The following NFE2L3 variants were observed in gnomAD, a reference collection of about 807,000 sequenced individuals.
NFE2L3 encodes NFE2 like bZIP transcription factor 3, also known as nuclear factor erythroid 2-related factor 3.
NFE2L3 carries 18 observed loss-of-function variants against 23.5 expected under a neutral mutation model. That is an observed-to-expected ratio of 0.77 (90% confidence interval 0.53 to 1.13). NFE2L3 has a LOEUF of 1.13. Ranked by LOEUF, NFE2L3 falls within the 50% of genes most tolerant of loss-of-function variation. The probability of loss-of-function intolerance (pLI) is 0.00; values close to 1 mark genes in which losing one functional copy is unlikely to be tolerated. For synonymous variants in NFE2L3, 424 were observed against 354.5 expected, an observed-to-expected ratio of 1.20 and a Z score of -2.20; for missense variants, 1,152 against 877.2, an observed-to-expected ratio of 1.31 and a Z score of -3.96.
chr7:26,174,989 G>A (rs1303229693), intron 1 of NFE2L3: 2 of 152,108 alleles, frequency 1.3e-5, no homozygotes, highest in Admixed American at 6.5e-5. Flanking sequence ...AAGGTAGAAG[G>A]ACTTATCTGG....
chr7:26,186,278 G>A lies in NFE2L3; in HGVS notation c.*495G>A, dbSNP rs1335387949. ...TTTGCTTTCTATGGAAATAAATTTT[G>A]TATTTGTATTAAAAATTAACTTTTC... On this transcript the variant is annotated 3_prime_UTR_variant, in exon 4 of 4. Coordinates refer to ENST00000056233, the MANE Select transcript of NFE2L3 (RefSeq NM_004289.7). 1 of 152,146 alleles carries A rather than the reference G, an allele frequency of 6.6e-6. No homozygotes were observed. Among genetic ancestry groups the A allele is most frequent in the African/African-American group, 2.4e-5 (1 of 41,400 alleles). 9.4% of individuals were successfully genotyped at this position (152,146 alleles called of 1,614,324 possible). A position where few individuals can be genotyped will look rare whatever the true frequency, so the allele number is the denominator to read the frequency against.
intron 1 of NFE2L3, among the ~76,000 whole-genome samples, chr7:26,164,226 C>T (rs555075936): frequency 3.3e-5 from 5 of 152,272 alleles, no homozygotes; most frequent in African/African-American, 9.6e-5. Context: ...CCTGAGGAAT[C>T]GCCACACTGA....
chr7:26,156,962 A>C (rs1376723655), intron 1 of NFE2L3, among the ~76,000 whole-genome samples: 1 of 152,000 alleles, frequency 6.6e-6, no homozygotes, highest in Admixed American at 6.6e-5. Flanking sequence ...AATACTAAAA[A>C]TTAGCCGGGC....
chr7:26,185,853 C>T lies in NFE2L3; in HGVS notation c.*70C>T, dbSNP rs1374705176. The T allele has an allele frequency of 1.0e-5, 13 of 1,245,070 alleles. No individual in the cohort carries two copies. The highest frequency in any genetic ancestry group is 1.5e-5 in the African/African-American group (1 of 65,316). 77.1% of individuals were successfully genotyped at this position (1,245,070 alleles called of 1,614,324 possible). A position where few individuals can be genotyped will look rare whatever the true frequency, so the allele number is the denominator to read the frequency against. On this transcript the variant is annotated 3_prime_UTR_variant, in exon 4 of 4. Transcript: ENST00000056233. ...AGAAACTGATTATTTGGATCAGAAACCATTGAAACTGCTTCAAGAATTGTA... is the reference window on the plus strand; with the variant it reads ...AGAAACTGATTATTTGGATCAGAAATCATTGAAACTGCTTCAAGAATTGTA...
intron 2 of NFE2L3, among the ~76,000 whole-genome samples, chr7:26,178,728 C>T (rs773314597): frequency 6.6e-6 from 1 of 152,118 alleles, no homozygotes; most frequent in African/African-American, 2.4e-5. Flanking sequence ...TCTGTGCTTC[C>T]TCCTCCTTTC....
At chr7:26,172,662 C>A (rs773105006) in intron 1 of NFE2L3, among the ~76,000 whole-genome samples, 33 of 152,110 alleles carry the variant, frequency 2.2e-4, no homozygotes, top group South Asian at 8.3e-4. Flanking sequence ...GTAAAAATGA[C>A]CCCCAATGTT....
intron 2 of NFE2L3, among the ~76,000 whole-genome samples, chr7:26,181,733 A>G (rs547563282): frequency 3.9e-5 from 6 of 152,342 alleles, no homozygotes; most frequent in African/African-American, 1.2e-4. Flanking sequence ...CAGTGTTTAA[A>G]TTGTTCATAG....
chr7:26,177,954 A>G lies in NFE2L3; in HGVS notation c.582A>G (p.Val194=). The change falls in exon 2 of 4, where the codon GTA becomes GTG. Residue 194 remains valine (V), a synonymous_variant. Coordinates refer to ENST00000056233, the MANE Select transcript of NFE2L3 (RefSeq NM_004289.7). ...TCGTACTTTTATAGGAGAATGGGGT[A>G]CTAAGAGAAAAGCACGAAGCTGTGG... ...AGGCASEENG[V]LREKHEAVDH... is the part of the protein sequence containing the mutation. The G allele has an allele frequency of 6.2e-7, 1 of 1,612,608 alleles. No individual in the cohort carries two copies.
intron 1 of NFE2L3, among the ~76,000 whole-genome samples, chr7:26,154,500 T>C (rs1394854381): frequency 6.6e-6 from 1 of 152,164 alleles, no homozygotes; most frequent in East Asian, 1.9e-4. Context: ...CCTCGGAAAC[T>C]TCCCTCCCGG....
intron 1 of NFE2L3, among the ~76,000 whole-genome samples, chr7:26,171,765 C>G (rs1583932281): frequency 2.0e-5 from 3 of 152,000 alleles, no homozygotes; most frequent in East Asian, 3.9e-4. Flanking sequence ...GAGTGATGAC[C>G]CACACCTATA....
In NFE2L3 at chr7:26,187,016, T is replaced by A. The variant is rs1782503899; in HGVS notation, c.*1233T>A. 1 of 152,220 alleles carries A rather than the reference T, an allele frequency of 6.6e-6. No homozygotes were observed. The highest frequency in any genetic ancestry group is 1.5e-5 in the Non-Finnish European group (1 of 68,036). The allele number at this position is 152,220 out of a possible 1,614,324, so 9.4% of individuals were successfully genotyped here. ...CAAAATGAAGTTTCTCAGATATTATTTCTGCCATAGGAGCTACAGTGTAGA... is the reference window on the plus strand; with the variant it reads ...CAAAATGAAGTTTCTCAGATATTATATCTGCCATAGGAGCTACAGTGTAGA... On this transcript the variant is annotated 3_prime_UTR_variant, in exon 4 of 4. Transcript: ENST00000056233.
At position 26,152,954 on chromosome 7, in the gene NFE2L3, G is replaced by T; in HGVS notation, c.456G>T (p.Gly152=). The change falls in exon 1 of 4, where the codon GGG becomes GGT. Residue 152 remains glycine (G), a synonymous_variant. Coordinates refer to ENST00000056233, the MANE Select transcript of NFE2L3 (RefSeq NM_004289.7). The surrounding 1 kb of genome is among the most constrained non-coding windows in gnomAD (Gnocchi z 4.4). The part of the protein sequence containing the change: ...SVDGGSQAVQ[G]GGGDPRAARS... ...ACGGCGGCAGCCAGGCTGTGCAGGG[G>T]GGCGGCGGGGACCCCCGAGCGGCTC... 1 of 1,482,916 alleles carries T rather than the reference G, an allele frequency of 6.7e-7. No homozygotes were observed. The highest frequency in any genetic ancestry group is 8.9e-7 in the Non-Finnish European group (1 of 1,125,722). The allele number at this position is 1,482,916 out of a possible 1,614,324, so 91.9% of individuals were successfully genotyped here.
In NFE2L3 at chr7:26,184,040, T is replaced by G; in HGVS notation, c.834+256T>G. 6.1e-6 allele frequency: 3 copies of G among 488,582 alleles called. No individual in the cohort carries two copies. In the East Asian group the frequency reaches 1.1e-4, roughly 17 times the overall value. The allele number at this position is 488,582 out of a possible 1,614,324, so 30.3% of individuals were successfully genotyped here. A position where few individuals can be genotyped will look rare whatever the true frequency, so the allele number is the denominator to read the frequency against. ...AAAAAACTAAAAGAATTATCAGGTA[T>G]TTATCCAAAGGAAAGGAAATCAGTG... On this transcript the variant is annotated intron_variant, in intron 3 of 3. Transcript: ENST00000056233.
chr7:26,153,187 G>A, intron 1 of NFE2L3, 119 bp downstream of exon 1: 1 of 1,022,434 alleles, frequency 9.8e-7, no homozygotes, highest in Non-Finnish European at 1.3e-6. Flanking sequence ...TTAGCCCCTG[G>A]TCTTTGCAGG....
intron 1 of NFE2L3, among the ~76,000 whole-genome samples, chr7:26,167,972 G>A (rs1784276046): frequency 6.6e-6 from 1 of 151,942 alleles, no homozygotes; most frequent in East Asian, 1.9e-4. Flanking sequence ...CAGGTGGTGT[G>A]TGGTTACATG....
chr7:26,169,739 C>T (rs1390415298), intron 1 of NFE2L3, among the ~76,000 whole-genome samples: 1 of 152,176 alleles, frequency 6.6e-6, no homozygotes, highest in Admixed American at 6.5e-5. Context: ...TTATTCAATA[C>T]CTAAGTCTGT....
chr7:26,178,186 C>T, intron 2 of NFE2L3, 64 bp downstream of exon 2: 1 of 1,421,918 alleles, frequency 7.0e-7, no homozygotes, highest in Non-Finnish European at 9.6e-7. Context: ...GTGGCATTGA[C>T]AGTTTGTGTC....
At position 26,152,760 on chromosome 7, in the gene NFE2L3, G is replaced by A. The variant is rs1784016975; in HGVS notation, c.262G>A (p.Glu88Lys). 6.8e-7 allele frequency: 1 copy of A among 1,476,580 alleles called. No homozygotes were observed. Among genetic ancestry groups the A allele is most frequent in the Non-Finnish European group, 8.9e-7 (1 of 1,121,500 alleles). 91.5% of individuals were successfully genotyped at this position (1,476,580 alleles called of 1,614,324 possible). ...GGAGCTGGACCCTGCCGCGCCGCCC[G>A]AGGGCCAGCTGCTCCGGGAGGTGCG... ...GRELDPAAPP[E>K]GQLLREVRAL... Residue 88 changes from glutamate (E) to lysine (K), a missense_variant, in exon 1 of 4, where the codon GAG becomes AAG. Coordinates refer to ENST00000056233, the MANE Select transcript of NFE2L3 (RefSeq NM_004289.7). The surrounding 1 kb of genome is among the most constrained non-coding windows in gnomAD (Gnocchi z 4.4).
rs563451719 is a variant in NFE2L3 at position 26,186,948 on chromosome 7, A to G, written c.*1165A>G. ...AGATGACTCAAGTTTGGGGAACATC[A>G]AGATTTTGACGGGTACTATAATGCT... On this transcript the variant is annotated 3_prime_UTR_variant, in exon 4 of 4. Transcript: ENST00000056233. 6.6e-6 allele frequency: 1 copy of G among 152,350 alleles called. No homozygotes were observed. The highest frequency in any genetic ancestry group is 2.1e-4 in the South Asian group (1 of 4,826). 9.4% of individuals were successfully genotyped at this position (152,350 alleles called of 1,614,324 possible). A position where few individuals can be genotyped will look rare whatever the true frequency, so the allele number is the denominator to read the frequency against.
Sources: allele counts gnomAD v4.1 joint callset (sites outside exome capture counted in the v4.1 genomes callset), GRCh38; gene constraint gnomAD v4.1.1; non-coding constraint Gnocchi (gnomAD v3.1); transcripts MANE v1.5; gene names NCBI Gene and HGNC (gene_info 2026-07-23, HGNC 2026-07-21).